The following OR2C1 variants were observed in gnomAD, a reference collection of about 807,000 sequenced individuals.
OR2C1 encodes olfactory receptor 2C1.
For synonymous variants in OR2C1, 209 were observed against 167.3 expected, an observed-to-expected ratio of 1.25 and a Z score of -1.92; for missense variants, 468 against 388.3, an observed-to-expected ratio of 1.21 and a Z score of -1.73.
chr16:3,327,003 T>G, the OR2C1 span, among the ~76,000 whole-genome samples: 1 of 152,184 alleles, frequency 6.6e-6, no homozygotes, highest in Admixed American at 6.5e-5. Context: ...CAATGTGAAT[T>G]GGGGTTTCTG....
the OR2C1 span, among the ~76,000 whole-genome samples, chr16:3,329,169 G>GACACAC: frequency 0.24 from 27,365 of 114,860 alleles, 3,746 homozygotes; most frequent in Non-Finnish European, 0.28. Flanking sequence ...TGGGAGGGAA[G>GACACAC]ACACACACAC....
chr16:3,338,636 C>G, the OR2C1 span, among the ~76,000 whole-genome samples: 3 of 150,664 alleles, frequency 2.0e-5, no homozygotes, highest in Non-Finnish European at 1.5e-5. Context: ...CTTGCGGGTT[C>G]ACGCCATTCC....
the OR2C1 span, among the ~76,000 whole-genome samples, chr16:3,348,015 C>T: frequency 6.6e-6 from 1 of 152,128 alleles, no homozygotes; most frequent in African/African-American, 2.4e-5. Flanking sequence ...TTAAGTGCGT[C>T]CCTAACAACG....
chr16:3,347,785 C>G, the OR2C1 span, among the ~76,000 whole-genome samples: 1 of 151,678 alleles, frequency 6.6e-6, no homozygotes, highest in African/African-American at 2.4e-5. Flanking sequence ...TGCACACACG[C>G]ACACACACAT....
At position 3,356,446 on chromosome 16, in the gene OR2C1, G is replaced by A. The variant is rs62000973; in HGVS notation, c.506G>A (p.Cys169Tyr). Residue 169 changes from cysteine to tyrosine, a missense_variant, in exon 1 of 1, where the codon TGT (cysteine) becomes TAT (tyrosine). Transcript: ENST00000304936. ...QSTFTLQLPLCGHRRVEGFLC... is the reference protein window; with the variant it reads ...QSTFTLQLPLYGHRRVEGFLC... ...ACATTCACTCTGCAGCTCCCATTGT[G>A]TGGGCACCGGAGGGTGGAGGGATTC... 2,979 of 1,613,986 alleles carry A rather than the reference G, an allele frequency of 1.8e-3. 48 individuals are homozygous for A. The African/African-American group carries it at 0.031, about 17-fold the overall frequency.
At chr16:3,342,976 A>T in the OR2C1 span, among the ~76,000 whole-genome samples, 3 of 152,334 alleles carry the variant, frequency 2.0e-5, no homozygotes, top group African/African-American at 7.2e-5. Context: ...CAATCCAAGA[A>T]GGTTACATAC....
chr16:3,335,769 A>C, the OR2C1 span, among the ~76,000 whole-genome samples: 2,766 of 152,120 alleles, frequency 0.018, 90 homozygotes, highest in African/African-American at 0.063. Context: ...TTGATTTTGT[A>C]TCTACCAACT....
chr16:3,355,742 A>C, upstream of OR2C1: 1 of 580,546 alleles, frequency 1.7e-6, no homozygotes, highest in Non-Finnish European at 3.0e-6. Context: ...AGATTGTGCC[A>C]CTGCACTCCA....
chr16:3,347,826 ATG>A, the OR2C1 span, among the ~76,000 whole-genome samples: 1 of 95,524 alleles, frequency 1.0e-5, no homozygotes, highest in Admixed American at 1.3e-4. Flanking sequence ...ACGAACACAC[ATG>A]CACACACATA....
chr16:3,347,333 T>G, the OR2C1 span, among the ~76,000 whole-genome samples: 8 of 150,714 alleles, frequency 5.3e-5, no homozygotes, highest in Middle Eastern at 3.4e-3. Context: ...AATTGGAGGC[T>G]TCTGTGAGCT....
At chr16:3,348,624 C>T in the OR2C1 span, among the ~76,000 whole-genome samples, 1 of 152,154 alleles carries the variant, frequency 6.6e-6, no homozygotes, top group African/African-American at 2.4e-5. Context: ...GGACAGTGGG[C>T]CCCACTGGGC....
chr16:3,343,072 T>G, the OR2C1 span, among the ~76,000 whole-genome samples: 1 of 152,170 alleles, frequency 6.6e-6, no homozygotes, highest in Non-Finnish European at 1.5e-5. Context: ...AACATTAATG[T>G]GAGGGCAGGA....
At chr16:3,323,744 C>T in the OR2C1 span, 2 of 687,690 alleles carry the variant, frequency 2.9e-6, no homozygotes, top group Non-Finnish European at 5.2e-6. Context: ...ACATTTCTGC[C>T]ACCAGGAATT....
the OR2C1 span, among the ~76,000 whole-genome samples, chr16:3,332,872 C>T: frequency 6.6e-6 from 1 of 152,032 alleles, no homozygotes; most frequent in East Asian, 1.9e-4. Flanking sequence ...ATATTGACTT[C>T]CTTTCTTTTG....
the OR2C1 span, among the ~76,000 whole-genome samples, chr16:3,341,185 G>C: frequency 3.3e-5 from 5 of 151,284 alleles, no homozygotes; most frequent in East Asian, 9.8e-4. Context: ...TTTATTCCTA[G>C]GTATTTTATT....
chr16:3,339,271 TTA>T, the OR2C1 span, among the ~76,000 whole-genome samples: 3,712 of 151,084 alleles, frequency 0.025, 138 homozygotes, highest in African/African-American at 0.085. Context: ...TTGATGAACA[TTA>T]GTTTTTTTTT....
chr16:3,355,223 GAGGCT>G (rs2030641487), upstream of OR2C1, among the ~76,000 whole-genome samples: 1 of 151,770 alleles, frequency 6.6e-6, no homozygotes, highest in Non-Finnish European at 1.5e-5. Flanking sequence ...AGCTTTTTGA[GAGGCT>G]GAGGCTGGCA....
At chr16:3,335,609 C>T in the OR2C1 span, among the ~76,000 whole-genome samples, 11 of 147,470 alleles carry the variant, frequency 7.5e-5, no homozygotes, top group Non-Finnish European at 1.3e-4. Context: ...TCACTGCAAC[C>T]TCCACCTCCT....
At chr16:3,331,728 A>G in the OR2C1 span, among the ~76,000 whole-genome samples, 3 of 152,074 alleles carry the variant, frequency 2.0e-5, no homozygotes, top group Admixed American at 6.6e-5. Flanking sequence ...ATTACTGGGT[A>G]TATTCCCAAA....
Sources: gnomAD v4.1 joint callset for allele counts (sites outside exome capture counted in the v4.1 genomes callset) on GRCh38, gnomAD v4.1.1 for gene constraint, MANE v1.5 for transcripts, NCBI Gene and HGNC (gene_info 2026-07-23, HGNC 2026-07-21) for gene names.